MACROD2: variants seen among roughly 807,000 people sequenced by gnomAD.
The protein encoded by MACROD2 is mono-ADP ribosylhydrolase 2.
Under a neutral mutation model 70.4 loss-of-function variants are expected in MACROD2, and 36 were observed. The ratio of observed to expected loss-of-function variants is 0.51; its 90% CI spans 0.39 to 0.68. MACROD2 has a LOEUF of 0.68. Ranked by LOEUF, MACROD2 falls within the 30% of genes least tolerant of loss-of-function variation. The pLI, the probability that MACROD2 is intolerant of heterozygous loss-of-function variation, is 0.00. For missense variants in MACROD2, 496 were observed against 538.4 expected, an observed-to-expected ratio of 0.92 and a Z score of 0.78; for synonymous variants, 172 against 178.8, an observed-to-expected ratio of 0.96 and a Z score of 0.30.
chr20:15,518,240 T>A (rs1414008588), intron 8 of MACROD2, among the ~76,000 whole-genome samples: 1 of 152,248 alleles, frequency 6.6e-6, no homozygotes, highest in African/African-American at 2.4e-5. Context: ...GTCAGATTCA[T>A]GCAGAGTTCC....
intron 6 of MACROD2, among the ~76,000 whole-genome samples, chr20:15,339,551 C>T (rs1424824953): frequency 6.6e-6 from 1 of 151,706 alleles, no homozygotes; most frequent in Non-Finnish European, 1.5e-5. Context: ...CTGAGCACTG[C>T]TGGAAAAATA....
chr20:15,994,790 A>AT (rs1448923548), intron 15 of MACROD2, among the ~76,000 whole-genome samples: 4 of 152,030 alleles, frequency 2.6e-5, no homozygotes, highest in Non-Finnish European at 5.9e-5. Context: ...TTTTTCAGAG[A>AT]TTTTCACCTA....
chr20:15,812,689 A>G (rs186427370), intron 8 of MACROD2, among the ~76,000 whole-genome samples: 45 of 152,326 alleles, frequency 3.0e-4, no homozygotes, highest in African/African-American at 1.0e-3. Flanking sequence ...TAGGTATTCA[A>G]TTGCATTTGT....
intron 3 of MACROD2, among the ~76,000 whole-genome samples, chr20:14,163,556 T>C (rs1055650948): frequency 1.3e-4 from 20 of 151,984 alleles, no homozygotes; most frequent in African/African-American, 4.8e-4. Context: ...ACTCTCTCAT[T>C]TTCTCTTCAT....
chr20:14,488,749 G>A (rs751339672), intron 3 of MACROD2, among the ~76,000 whole-genome samples: 3 of 152,126 alleles, frequency 2.0e-5, no homozygotes, highest in Non-Finnish European at 4.4e-5. Context: ...TTCTACTTTT[G>A]TAAAATAAAG....
intron 2 of MACROD2, among the ~76,000 whole-genome samples, chr20:14,030,026 G>T (rs967127021): frequency 2.0e-5 from 3 of 152,034 alleles, no homozygotes; most frequent in African/African-American, 7.2e-5. Context: ...TTTTTTCCTT[G>T]CAGATTTTAC....
chr20:15,622,696 C>T (rs1320350119), intron 8 of MACROD2, among the ~76,000 whole-genome samples: 1 of 152,162 alleles, frequency 6.6e-6, no homozygotes, highest in Non-Finnish European at 1.5e-5. Flanking sequence ...ACGTCATCCA[C>T]CTCACTTCAT....
At chr20:15,123,984 G>T (rs995765472) in intron 5 of MACROD2, among the ~76,000 whole-genome samples, 17 of 151,974 alleles carry the variant, frequency 1.1e-4, no homozygotes, top group Non-Finnish European at 1.9e-4. Context: ...CATCTGAAAC[G>T]TAAAAAAAAG....
At chr20:14,968,984 G>C (rs1414211291) in intron 5 of MACROD2, among the ~76,000 whole-genome samples, 2 of 152,112 alleles carry the variant, frequency 1.3e-5, no homozygotes, top group African/African-American at 4.8e-5. Flanking sequence ...AAAGAACTAA[G>C]TATCTCCAAT....
chr20:15,929,512 C>T lies in MACROD2; in HGVS notation c.776-3764C>T, dbSNP rs140377389. Among the ~76,000 whole-genome samples the T allele has an allele frequency of 3.5e-3, 540 of 152,162 alleles. 4 individuals carry two copies. Among genetic ancestry groups the T allele is most frequent in the African/African-American group, 0.012 (518 of 41,518 alleles). On this transcript the variant is annotated intron_variant, in intron 10 of 17. Transcript: ENST00000684519. ...AAGACCAATAATCTAATCTGCAAAG[C>T]ACTGGTTTTGAATTGTCCGTAGTCT...
chr20:14,880,700 G>T (rs1253750152), intron 5 of MACROD2, among the ~76,000 whole-genome samples: 4 of 152,184 alleles, frequency 2.6e-5, no homozygotes, highest in Non-Finnish European at 4.4e-5. Context: ...GACCAATGAG[G>T]AGAGGCCAAA....
At chr20:14,591,936 A>G (rs958437622) in intron 4 of MACROD2, among the ~76,000 whole-genome samples, 2 of 152,190 alleles carry the variant, frequency 1.3e-5, no homozygotes, top group Non-Finnish European at 2.9e-5. Flanking sequence ...CCAAGAAGGG[A>G]GAGTTTAGTA....
chr20:15,311,443 G>A (rs941571861), intron 6 of MACROD2, among the ~76,000 whole-genome samples: 4 of 152,114 alleles, frequency 2.6e-5, no homozygotes, highest in Middle Eastern at 3.2e-3. Flanking sequence ...ATATATATCC[G>A]AAAGAAAACA....
At chr20:14,983,418 A>G (rs1305204096) in intron 5 of MACROD2, among the ~76,000 whole-genome samples, 1 of 152,080 alleles carries the variant, frequency 6.6e-6, no homozygotes, top group Non-Finnish European at 1.5e-5. Flanking sequence ...GCAGAGTGAT[A>G]TGGTTTGTCT....
chr20:14,615,306 A>G (rs1332983253), intron 4 of MACROD2, among the ~76,000 whole-genome samples: 1 of 152,138 alleles, frequency 6.6e-6, no homozygotes, highest in Non-Finnish European at 1.5e-5. Flanking sequence ...TTCCCCGGAT[A>G]GGGGAATAAG....
intron 3 of MACROD2, among the ~76,000 whole-genome samples, chr20:14,398,335 A>G (rs1464571438): frequency 6.0e-5 from 9 of 150,412 alleles, no homozygotes; most frequent in Admixed American, 6.0e-4. Flanking sequence ...ACTGTTTTCT[A>G]TAATGGCCAT....
chr20:15,472,535 A>G lies in MACROD2; in HGVS notation c.572-27239A>G, dbSNP rs371422835. On this transcript the variant is annotated intron_variant, in intron 7 of 17. Transcript: ENST00000684519. The stretch of plus-strand genomic sequence containing the variant: ...TTCTTTCCCTTCCTGTTTTTTTTCT[A>G]TTAATAACACCATTATTCAAGCCTT... 1.3e-4 allele frequency among the ~76,000 whole-genome samples: 20 copies of G among 151,574 alleles called. No individual in the cohort carries two copies. In the East Asian group the frequency reaches 3.3e-3, roughly 25 times the overall value.
intron 15 of MACROD2, among the ~76,000 whole-genome samples, chr20:15,989,918 T>A (rs16996896): frequency 0.029 from 4,450 of 152,166 alleles, 69 homozygotes; most frequent in South Asian, 0.057. Context: ...ATGTAGATAA[T>A]CTTCAGGATA....
At chr20:14,766,122 T>A (rs965217250) in intron 5 of MACROD2, among the ~76,000 whole-genome samples, 1 of 137,806 alleles carries the variant, frequency 7.3e-6, no homozygotes, top group Non-Finnish European at 1.7e-5. Context: ...AAGACATTTT[T>A]ATATTTAAAA....
Sources: allele counts gnomAD v4.1 joint callset (sites outside exome capture counted in the v4.1 genomes callset), GRCh38; gene constraint gnomAD v4.1.1; transcripts MANE v1.5; gene names NCBI Gene and HGNC (gene_info 2026-07-23, HGNC 2026-07-21).